The following ARHGEF3 variants were observed in gnomAD, a reference collection of about 807,000 sequenced individuals.
ARHGEF3 encodes Rho guanine nucleotide exchange factor 3, also known as 59.8 kDA protein.
Under a neutral mutation model 63.2 loss-of-function variants are expected in ARHGEF3, and 28 were observed. The ratio of observed to expected loss-of-function variants is 0.44; its 90% CI spans 0.33 to 0.61. The LOEUF is 0.61. ARHGEF3 is among the 20% of genes least tolerant of loss of function. The pLI is 0.03. For missense variants in ARHGEF3, 533 were observed against 659.3 expected, an observed-to-expected ratio of 0.81 and a Z score of 2.10; for synonymous variants, 266 against 254.2, an observed-to-expected ratio of 1.05 and a Z score of -0.44.
chr3:56,816,695 G>A (rs2038283772), intron 4 of ARHGEF3, among the ~76,000 whole-genome samples: 1 of 152,200 alleles, frequency 6.6e-6, no homozygotes, highest in Non-Finnish European at 1.5e-5. Flanking sequence ...TCTATAGTAG[G>A]AGAAACTGAG....
At chr3:57,060,172 T>C (rs1705145259) in intron 1 of ARHGEF3, among the ~76,000 whole-genome samples, 1 of 151,324 alleles carries the variant, frequency 6.6e-6, no homozygotes, top group African/African-American at 2.4e-5. Context: ...ATTTTAAAAT[T>C]AGCTGGGTGT....
chr3:56,920,895 AC>A (rs2042112193), intron 3 of ARHGEF3, among the ~76,000 whole-genome samples: 1 of 151,936 alleles, frequency 6.6e-6, no homozygotes, highest in Non-Finnish European at 1.5e-5. Flanking sequence ...TACTAAAAAT[AC>A]AAAAAAAAAT....
chr3:57,011,865 C>T (rs1323006022), intron 2 of ARHGEF3, among the ~76,000 whole-genome samples: 3 of 152,128 alleles, frequency 2.0e-5, no homozygotes, highest in Admixed American at 2.0e-4. Context: ...TCCCAGTGCT[C>T]GCAGGGCCTC....
At chr3:57,046,346 C>G (rs1579161467) in intron 1 of ARHGEF3, among the ~76,000 whole-genome samples, 1 of 152,170 alleles carries the variant, frequency 6.6e-6, no homozygotes, top group East Asian at 1.9e-4. Context: ...CGGGTCCAGA[C>G]CTCCCAAACT....
rs577952660 is a variant in ARHGEF3 at position 56,950,094 on chromosome 3, C to T, written c.129+8729G>A. On this transcript the variant is annotated intron_variant, in intron 3 of 12. Transcript: ENST00000338458. ...GCTAGCCATATGTAGAAAGCTGAAA[C>T]TGGATCCCTTCCTTACACCTTATAC... 1.3e-5 allele frequency among the ~76,000 whole-genome samples: 2 copies of T among 152,166 alleles called. 1 individual carries two copies. The highest frequency in any genetic ancestry group is 4.8e-5 in the African/African-American group (2 of 41,420).
intron 2 of ARHGEF3, among the ~76,000 whole-genome samples, chr3:57,001,220 A>C (rs1702179618): frequency 1.3e-5 from 2 of 152,362 alleles, no homozygotes; most frequent in Non-Finnish European, 2.9e-5. Context: ...GATTATGGGC[A>C]TGAGCCACTG....
At chr3:56,916,794 G>A (rs1357061086) in intron 3 of ARHGEF3, among the ~76,000 whole-genome samples, 1 of 152,162 alleles carries the variant, frequency 6.6e-6, no homozygotes, top group East Asian at 1.9e-4. Flanking sequence ...GAGAGCTTTG[G>A]GTCTTCAAAG....
intron 2 of ARHGEF3, among the ~76,000 whole-genome samples, chr3:56,964,344 C>T (rs187199118): frequency 6.9e-5 from 8 of 116,260 alleles, no homozygotes; most frequent in Non-Finnish European, 1.2e-4. Context: ...AAGAGCAAGA[C>T]TGTCTCAAAA....
intron 2 of ARHGEF3, among the ~76,000 whole-genome samples, chr3:56,988,598 C>T (rs1701629178): frequency 6.6e-6 from 1 of 152,174 alleles, no homozygotes; most frequent in Non-Finnish European, 1.5e-5. Flanking sequence ...ATTAAAGTGT[C>T]CCCATGGGAA....
chr3:56,879,265 G>A lies in ARHGEF3; in HGVS notation c.192+3027C>T, dbSNP rs140880492. 9.7e-4 allele frequency among the ~76,000 whole-genome samples: 148 copies of A among 152,278 alleles called. 1 individual carries two copies. The highest frequency in any genetic ancestry group is 1.6e-3 in the Non-Finnish European group (107 of 68,010). On this transcript the variant is annotated intron_variant, in intron 4 of 12. Coordinates refer to the ARHGEF3 transcript ENST00000338458. Reference sequence around the variant, plus strand: ...CTGTCTTCCACGAAACCGGCCCCTGGTGTCAAAAAGGTTGGGGACCACTGC... The same window carrying A: ...CTGTCTTCCACGAAACCGGCCCCTGATGTCAAAAAGGTTGGGGACCACTGC...
chr3:56,857,429 G>A (rs2108172747), intron 4 of ARHGEF3, among the ~76,000 whole-genome samples: 1 of 152,280 alleles, frequency 6.6e-6, no homozygotes, highest in Admixed American at 6.5e-5. Context: ...TGCTGGAAAA[G>A]GGAAACATAT....
intron 1 of ARHGEF3, among the ~76,000 whole-genome samples, chr3:57,071,659 CAAA>C (rs34281617): frequency 6.4e-5 from 8 of 124,906 alleles, no homozygotes; most frequent in Admixed American, 1.6e-4. Flanking sequence ...AACTCCATCT[CAAA>C]AAAAAAAAAA....
At chr3:56,890,932 T>C (rs187972400) in intron 3 of ARHGEF3, among the ~76,000 whole-genome samples, 1 of 152,328 alleles carries the variant, frequency 6.6e-6, no homozygotes, top group Admixed American at 6.5e-5. Context: ...CCTTTTTGAT[T>C]TATCTCTTTG....
At chr3:56,941,445 T>A (rs1234610569) in intron 3 of ARHGEF3, among the ~76,000 whole-genome samples, 1 of 152,186 alleles carries the variant, frequency 6.6e-6, no homozygotes, top group African/African-American at 2.4e-5. Context: ...TGATCTCAAG[T>A]GATCCACCTG....
intron 1 of ARHGEF3, among the ~76,000 whole-genome samples, chr3:57,049,576 A>G (rs1318765355): frequency 6.6e-6 from 1 of 152,130 alleles, no homozygotes; most frequent in East Asian, 1.9e-4. Context: ...GGGATGCAGA[A>G]TGTTCTAAGC....
At chr3:56,977,164 C>G (rs142672006) in intron 2 of ARHGEF3, 1,097 of 444,504 alleles carry the variant, frequency 2.5e-3, no homozygotes, top group Admixed American at 4.1e-3. Context: ...TTCCAGGATC[C>G]TGCCCCAGAG....
intron 2 of ARHGEF3, among the ~76,000 whole-genome samples, chr3:56,766,791 A>T (rs1455882537): frequency 6.6e-6 from 1 of 151,844 alleles, no homozygotes; most frequent in Non-Finnish European, 1.5e-5. Context: ...CAAGAACAGA[A>T]GCCTTGCCGT....
In ARHGEF3 at chr3:57,023,079, C is replaced by T. The variant is rs957926440; in HGVS notation, c.62+12009G>A. Among the ~76,000 whole-genome samples, 38 of 152,334 alleles carry T rather than the reference C, an allele frequency of 2.5e-4. 1 individual carries two copies. Among genetic ancestry groups the T allele is most frequent in the Admixed American group, 2.4e-3 (36 of 15,306 alleles). ...CTATCTTTCCTCACAGCATACACCA[C>T]CAGCTAATGCCACTTCACACATCTG... is the stretch of plus-strand genomic sequence containing the variant. On this transcript the variant is annotated intron_variant, in intron 2 of 12. Coordinates refer to the ARHGEF3 transcript ENST00000338458.
chr3:57,033,445 T>C (rs1346084819), intron 2 of ARHGEF3, among the ~76,000 whole-genome samples: 5 of 150,292 alleles, frequency 3.3e-5, no homozygotes, highest in Non-Finnish European at 7.4e-5. Context: ...TAGATTCACA[T>C]ATGTCTTGAA....
Sources: allele counts gnomAD v4.1 joint callset (sites outside exome capture counted in the v4.1 genomes callset), GRCh38; gene constraint gnomAD v4.1.1; transcripts MANE v1.5; gene names NCBI Gene and HGNC (gene_info 2026-07-23, HGNC 2026-07-21).